Variants in RBFOX3 observed in about 807,000 individuals in gnomAD.
The protein encoded by RBFOX3 is RNA binding fox-1 homolog 3.
Under a neutral mutation model 48.7 loss-of-function variants are expected in RBFOX3, and 17 were observed. That is an observed-to-expected ratio of 0.35 (90% CI 0.24 to 0.52). RBFOX3 has a LOEUF of 0.52. Ranked by LOEUF, RBFOX3 falls within the 20% of genes least tolerant of loss-of-function variation. RBFOX3 has a pLI of 0.94. For missense variants in RBFOX3, 382 were observed against 497.5 expected, an observed-to-expected ratio of 0.77 and a Z score of 2.21; for synonymous variants, 212 against 209.5, an observed-to-expected ratio of 1.01 and a Z score of -0.10.
At chr17:79,591,810 AGGAGGGGTGTGCACGTGTGGAGGGTGTGT>A (rs2093424283) in intron 1 of RBFOX3, among the ~76,000 whole-genome samples, 6 of 150,456 alleles carry the variant, frequency 4.0e-5, no homozygotes, top group African/African-American at 7.3e-5. Context: ...GGAGGGTGTG[AGGAGGGGTGTGCACGTGTGGAGGGTGTGT>A]GGAGGGGTGT....
intron 2 of RBFOX3, among the ~76,000 whole-genome samples, chr17:79,453,362 C>T (rs782500608): frequency 2.0e-5 from 3 of 152,138 alleles, no homozygotes; most frequent in Non-Finnish European, 4.4e-5. Context: ...GAAGCTGGGG[C>T]GTCGCAGTGG....
intron 1 of RBFOX3, among the ~76,000 whole-genome samples, chr17:79,541,171 A>C (rs1487642405): frequency 6.6e-6 from 1 of 151,954 alleles, no homozygotes; most frequent in Non-Finnish European, 1.5e-5. Flanking sequence ...CAATTCCAGC[A>C]CTGGAAAAAA....
chr17:79,613,828 G>A (rs927350121), upstream of RBFOX3, among the ~76,000 whole-genome samples: 7,328 of 152,214 alleles, frequency 0.048, 585 homozygotes, highest in African/African-American at 0.17. Context: ...AGCAAAACTA[G>A]CCAGGTGTGG....
chr17:79,116,560 A>G (rs1233681485), intron 4 of RBFOX3, among the ~76,000 whole-genome samples: 1 of 152,248 alleles, frequency 6.6e-6, no homozygotes, highest in Non-Finnish European at 1.5e-5. Context: ...AGCAGAAGTG[A>G]GAGGGCGGCG....
the RBFOX3 span, among the ~76,000 whole-genome samples, chr17:79,616,257 C>T: frequency 6.6e-6 from 1 of 152,098 alleles, no homozygotes; most frequent in Admixed American, 6.5e-5. Context: ...ATCTCTCGGC[C>T]GGGCACGGTG....
chr17:79,257,966 CG>C (rs997957445), intron 3 of RBFOX3, among the ~76,000 whole-genome samples: 1 of 152,090 alleles, frequency 6.6e-6, no homozygotes, highest in Admixed American at 6.5e-5. Flanking sequence ...CTTGTGGGGA[CG>C]GGGGTCTCAA....
intron 2 of RBFOX3, among the ~76,000 whole-genome samples, chr17:79,469,670 CA>C (rs2076816264): frequency 6.6e-6 from 1 of 152,100 alleles, no homozygotes; most frequent in Non-Finnish European, 1.5e-5. Context: ...TGTGGGACCC[CA>C]AAAAACAGGT....
rs2078606211 is a variant in RBFOX3, at chr17:79,480,388, G to A, written c.-175+2066C>T. On this transcript the variant is annotated intron_variant, in intron 2 of 14. Transcript: ENST00000693108. This position sits in a 1 kb window ranked among gnomAD's most constrained non-coding sequence, Gnocchi z 4.8. ...AGTGCGACAGTGGGCTCGCTCGTCA[G>A]CTGTCCCTTGCTTCCACTCTGTCCC... Among the ~76,000 whole-genome samples the A allele has an allele frequency of 6.6e-6, 1 of 152,180 alleles. No individual in the cohort carries two copies. The highest frequency in any genetic ancestry group is 1.5e-5 in the Non-Finnish European group (1 of 68,012).
intron 1 of RBFOX3, among the ~76,000 whole-genome samples, chr17:79,586,056 C>A (rs1478725274): frequency 2.0e-5 from 3 of 152,188 alleles, no homozygotes; most frequent in Non-Finnish European, 4.4e-5. Context: ...GCAGAGATGC[C>A]CCAACTGTTC....
chr17:79,409,226 C>T (rs1335892135), intron 2 of RBFOX3, among the ~76,000 whole-genome samples: 4 of 152,242 alleles, frequency 2.6e-5, no homozygotes, highest in Admixed American at 1.3e-4. Context: ...GGCCCTACCA[C>T]GTTTTGTGTG....
Position 79,214,796 on chromosome 17 carries a change from A to G in RBFOX3, c.-34+20970T>C, listed in dbSNP as rs2058808388. 6.6e-6 allele frequency among the ~76,000 whole-genome samples: 1 copy of G among 152,130 alleles called. No homozygotes were observed. Among genetic ancestry groups the G allele is most frequent in the South Asian group, 2.1e-4 (1 of 4,828 alleles). On this transcript the variant is annotated intron_variant, in intron 4 of 14. Coordinates refer to ENST00000693108, the MANE Select transcript of RBFOX3 (RefSeq NM_001350451.2). The surrounding 1 kb of genome is among the most constrained non-coding windows in gnomAD (Gnocchi z 4.7). Reference sequence around the variant, plus strand: ...ATTACAAGGCTTGTTAAATGCACAGACAGGATATTAGCGTTTAAACAGCTT... The same window carrying G: ...ATTACAAGGCTTGTTAAATGCACAGGCAGGATATTAGCGTTTAAACAGCTT...
At chr17:79,099,601 C>CA (rs1158883558) in intron 9 of RBFOX3, 1 of 152,244 alleles carries the variant, frequency 6.6e-6, no homozygotes, top group East Asian at 1.9e-4. Context: ...TTGGAGGCTG[C>CA]ATGTGTGCTT....
intron 1 of RBFOX3, among the ~76,000 whole-genome samples, chr17:79,510,730 G>A (rs1447660058): frequency 1.1e-4 from 16 of 152,296 alleles, no homozygotes; most frequent in African/African-American, 3.6e-4. Flanking sequence ...AGGGGATGAG[G>A]ACGGAGGACG....
chr17:79,096,384 C>G (rs948831349), intron 12 of RBFOX3, among the ~76,000 whole-genome samples: 1 of 152,198 alleles, frequency 6.6e-6, no homozygotes, highest in Non-Finnish European at 1.5e-5. Flanking sequence ...TATATGAGGC[C>G]TTGCCCACAG....
chr17:79,526,873 C>T (rs1452871152), intron 1 of RBFOX3, among the ~76,000 whole-genome samples: 3 of 152,228 alleles, frequency 2.0e-5, no homozygotes, highest in African/African-American at 4.8e-5. Flanking sequence ...AAAAAACCAT[C>T]GTGTGACACC....
At chr17:79,250,096 C>T (rs188949842) in intron 3 of RBFOX3, among the ~76,000 whole-genome samples, 41 of 152,276 alleles carry the variant, frequency 2.7e-4, no homozygotes, top group Admixed American at 1.4e-3. Context: ...CTGCCACAGC[C>T]GCGTCAGAAA....
chr17:79,296,643 G>A (rs2074384423), intron 3 of RBFOX3, among the ~76,000 whole-genome samples: 1 of 151,944 alleles, frequency 6.6e-6, no homozygotes, highest in African/African-American at 2.4e-5. Context: ...CACACCAGCT[G>A]TAGACTCTCC....
chr17:79,135,388 C>A (rs1265012207), intron 4 of RBFOX3, among the ~76,000 whole-genome samples: 2 of 152,204 alleles, frequency 1.3e-5, no homozygotes. Context: ...ATTAGCCTCT[C>A]CTCCAGCAGG....
intron 2 of RBFOX3, among the ~76,000 whole-genome samples, chr17:79,385,150 A>G (rs925607): frequency 0.2 from 30,187 of 152,134 alleles, 3,105 homozygotes; most frequent in East Asian, 0.26. Context: ...CAAAACACCT[A>G]ACGTGCATGG....
Sources: allele counts gnomAD v4.1 joint callset (sites outside exome capture counted in the v4.1 genomes callset), GRCh38; gene constraint gnomAD v4.1.1; non-coding constraint Gnocchi (gnomAD v3.1); transcripts MANE v1.5; gene names NCBI Gene and HGNC (gene_info 2026-07-23, HGNC 2026-07-21).